The following CEP78 variants were observed in gnomAD, a reference collection of about 807,000 sequenced individuals.
The protein encoded by CEP78 is centrosomal protein 78, also known as centrosomal protein of 78 kDa.
Under a neutral mutation model 81.2 loss-of-function variants are expected in CEP78, and 76 were observed. The ratio of observed to expected loss-of-function variants is 0.94; its 90% confidence interval spans 0.78 to 1.13. CEP78 has a LOEUF of 1.13. Among genes scored for constraint, CEP78 ranks in the 50% most tolerant of loss-of-function variants. CEP78 has a pLI of 0.00. For synonymous variants in CEP78, 293 were observed against 301.4 expected (o/e 0.97, Z 0.29); for missense variants, 918 against 846.8 (o/e 1.08, Z -1.04).
At position 78,276,574 on chromosome 9, in the gene CEP78, A is replaced by G. The variant is rs559582154; in HGVS notation, c.*5723A>G. The G allele has an allele frequency of 1.2e-4, 18 of 152,110 alleles. No homozygotes were observed. The highest frequency in any genetic ancestry group is 2.2e-4 in the Non-Finnish European group (15 of 67,986). The allele number at this position is 152,110 out of a possible 1,614,324, so 9.4% of individuals were successfully genotyped here. A position where few individuals can be genotyped will look rare whatever the true frequency, so the allele number is the denominator to read the frequency against. On this transcript the variant is annotated 3_prime_UTR_variant, in exon 17 of 17. Transcript: ENST00000643273. ...GCTATTACAGCTAATAAAGCTGAAT[A>G]AGGAGGCTGTGCACAACACCAACAC...
intron 11 of CEP78, among the ~76,000 whole-genome samples, chr9:78,257,442 A>G (rs1235243087): frequency 2.0e-5 from 3 of 152,218 alleles, no homozygotes; most frequent in Admixed American, 6.5e-5. Flanking sequence ...AAATGAGGGT[A>G]TAAACCAAGA....
chr9:78,260,532 C>T (rs1285685552), intron 11 of CEP78, among the ~76,000 whole-genome samples: 1 of 151,824 alleles, frequency 6.6e-6, no homozygotes, highest in Non-Finnish European at 1.5e-5. Flanking sequence ...ATGGTGAAAC[C>T]CTGTCTCTAC....
rs1044075516 is a variant in CEP78 at position 78,273,875 on chromosome 9, A to C, written c.*3024A>C. 1 of 152,258 alleles carries C rather than the reference A, an allele frequency of 6.6e-6. No individual in the cohort carries two copies. Among genetic ancestry groups the C allele is most frequent in the Non-Finnish European group, 1.5e-5 (1 of 68,044 alleles). 9.4% of individuals were successfully genotyped at this position (152,258 alleles called of 1,614,324 possible). ...AGAATCAGTGGATCGACTGCTGCAC[A>C]CACACTAGAATGGCTAACATTTTGA... is the stretch of plus-strand genomic sequence containing the variant. On this transcript the variant is annotated 3_prime_UTR_variant, in exon 17 of 17. Coordinates refer to ENST00000643273, the MANE Select transcript of CEP78 (RefSeq NM_001330691.3).
At chr9:78,267,057 TTA>T in intron 16 of CEP78, 1 of 1,143,348 alleles carries the variant, frequency 8.7e-7, no homozygotes, top group South Asian at 1.4e-5. Flanking sequence ...ATAAATTTTC[TTA>T]TGTTTTTATT....
chr9:78,267,102 A>G, intron 16 of CEP78: 1 of 1,034,160 alleles, frequency 9.7e-7, no homozygotes, highest in Non-Finnish European at 1.3e-6. Flanking sequence ...ATAGGATTGG[A>G]AGCCACTAAA....
intron 16 of CEP78, among the ~76,000 whole-genome samples, chr9:78,268,421 A>G (rs754434505): frequency 2.0e-4 from 30 of 152,198 alleles, no homozygotes; most frequent in African/African-American, 6.3e-4. Context: ...TCCACGTTGC[A>G]TGGAGCTGGT....
At position 78,275,005 on chromosome 9, in the gene CEP78, G is replaced by A. The variant is rs1827771650; in HGVS notation, c.*4154G>A. 1 of 151,990 alleles carries A rather than the reference G, an allele frequency of 6.6e-6. No homozygotes were observed. 9.4% of individuals were successfully genotyped at this position (151,990 alleles called of 1,614,324 possible). On this transcript the variant is annotated 3_prime_UTR_variant, in exon 17 of 17. Coordinates refer to ENST00000643273, the MANE Select transcript of CEP78 (RefSeq NM_001330691.3). ...GCAAATTTTGATCAGTGAAACACAG[G>A]TTTTTAAAAATGAAAGATAAACCTT...
intron 7 of CEP78, 89 bp downstream of exon 7, chr9:78,248,444 C>A: frequency 1.2e-6 from 1 of 834,446 alleles, no homozygotes; most frequent in Non-Finnish European, 2.0e-6. Context: ...TGGCCTCAAA[C>A]TTCTGAGCTC....
chr9:78,261,596 T>C (rs1827279245), intron 11 of CEP78, among the ~76,000 whole-genome samples: 1 of 152,198 alleles, frequency 6.6e-6, no homozygotes, highest in Non-Finnish European at 1.5e-5. Flanking sequence ...AACATTATGT[T>C]CTCACTTCCT....
intron 9 of CEP78, among the ~76,000 whole-genome samples, chr9:78,252,664 A>G (rs184612847): frequency 7.9e-5 from 12 of 152,356 alleles, no homozygotes; most frequent in African/African-American, 2.6e-4. Flanking sequence ...TTGGAGATTA[A>G]CAATTGCTTA....
chr9:78,260,567 C>T (rs1480493876), intron 11 of CEP78, among the ~76,000 whole-genome samples: 3 of 151,826 alleles, frequency 2.0e-5, no homozygotes, highest in African/African-American at 7.2e-5. Flanking sequence ...ATTAGCTGTG[C>T]GTGGTGGCGG....
At position 78,275,772 on chromosome 9, in the gene CEP78, C is replaced by T. The variant is rs564220796; in HGVS notation, c.*4921C>T. 1 of 151,834 alleles carries T rather than the reference C, an allele frequency of 6.6e-6. No homozygotes were observed. Among genetic ancestry groups the T allele is most frequent in the African/African-American group, 2.4e-5 (1 of 41,228 alleles). The allele number at this position is 151,834 out of a possible 1,614,324, so 9.4% of individuals were successfully genotyped here. On this transcript the variant is annotated 3_prime_UTR_variant, in exon 17 of 17. Transcript: ENST00000643273. ...CCTCATCTCTACAAAAATTAAAAAA[C>T]AAAACAAAACAAAAAAACCCAAAAC...
intron 8 of CEP78, chr9:78,249,356 T>G (rs1826649818): frequency 6.6e-6 from 1 of 152,388 alleles, no homozygotes; most frequent in Admixed American, 6.5e-5. Flanking sequence ...GGTAGCACCT[T>G]GCTTCTTTCA....
chr9:78,266,384 G>T, intron 15 of CEP78, 58 bp from the exon 16 acceptor site: 1 of 1,338,412 alleles, frequency 7.5e-7, no homozygotes, highest in South Asian at 1.3e-5. Context: ...TTTTGAACTC[G>T]ATTTTTAAAT....
intron 3 of CEP78, among the ~76,000 whole-genome samples, chr9:78,240,698 C>T (rs1219958561): frequency 6.6e-6 from 1 of 152,068 alleles, no homozygotes; most frequent in African/African-American, 2.4e-5. Context: ...TGGTGGCTCA[C>T]GCCTGTGATC....
In CEP78 at chr9:78,254,870, G is replaced by A. The variant is rs187255247; in HGVS notation, c.1286G>A (p.Ser429Asn). Residue 429 changes from serine (S) to asparagine (N), a missense_variant, in exon 11 of 17, where the codon AGT becomes AAT. Physicochemically the swap from Ser to Asn is conservative, Grantham distance 46. Coordinates refer to ENST00000643273, the MANE Select transcript of CEP78 (RefSeq NM_001330691.3). ...TTTCCTGTGACTGTGACAGTAGAGA[G>A]TCCTTCATCCTCTGAAGTTGAAGAG... ...PGFPVTVTVESPSSSEVEEVD... is the reference protein window; with the variant it reads ...PGFPVTVTVENPSSSEVEEVD... 1.4e-5 allele frequency: 23 copies of A among 1,611,190 alleles called. No individual in the cohort carries two copies. Among genetic ancestry groups the A allele is most frequent in the Admixed American group, 1.7e-5 (1 of 59,974 alleles).
intron 9 of CEP78, 32 bp downstream of exon 9, chr9:78,252,075 TA>T (rs754279738): frequency 2.0e-6 from 3 of 1,526,926 alleles, no homozygotes; most frequent in South Asian, 1.2e-5. Context: ...TCTTTTAGGA[TA>T]AAAATGGGAT....
At chr9:78,243,924 T>TA (rs901147348) in intron 5 of CEP78, among the ~76,000 whole-genome samples, 1 of 152,054 alleles carries the variant, frequency 6.6e-6, no homozygotes, top group Non-Finnish European at 1.5e-5. Flanking sequence ...TTTGTGTGCT[T>TA]AGAGTTACAA....
Position 78,272,402 on chromosome 9 carries a change from AC to A in CEP78, c.*1553del, listed in dbSNP as rs1827712876. On this transcript the variant is annotated 3_prime_UTR_variant, in exon 17 of 17. Coordinates refer to ENST00000643273, the MANE Select transcript of CEP78 (RefSeq NM_001330691.3). ...TGAGACAAACTACTTCAGCTTTGTG[AC>A]CTGCAAATCCCCTTTTATAATCACC... is the stretch of plus-strand genomic sequence containing the variant. 6.6e-6 allele frequency: 1 copy of A among 152,250 alleles called. No individual in the cohort carries two copies. Among genetic ancestry groups the A allele is most frequent in the Non-Finnish European group, 1.5e-5 (1 of 68,048 alleles). The allele number at this position is 152,250 out of a possible 1,614,324, so 9.4% of individuals were successfully genotyped here.
Sources: gnomAD v4.1 joint callset for allele counts (sites outside exome capture counted in the v4.1 genomes callset) on GRCh38, gnomAD v4.1.1 for gene constraint, MANE v1.5 for transcripts, NCBI Gene and HGNC (gene_info 2026-07-23, HGNC 2026-07-21) for gene names.